ARF5: variants seen among roughly 807,000 people sequenced by gnomAD.
ARF5 encodes the protein ADP-ribosylation factor 5.
ARF5 carries 10 observed loss-of-function variants against 24.8 expected under a neutral mutation model. The ratio of observed to expected loss-of-function variants is 0.40; its 90% CI spans 0.25 to 0.68. The LOEUF is 0.68. Among genes scored for constraint, ARF5 ranks in the 30% least tolerant of loss-of-function variants. ARF5 has a pLI of 0.36. For missense variants in ARF5, 135 were observed against 239.2 expected, an observed-to-expected ratio of 0.56 and a Z score of 2.87; for synonymous variants, 102 against 95.1, an observed-to-expected ratio of 1.07 and a Z score of -0.42.
intron 4 of ARF5, 49 bp downstream of exon 4, chr7:127,590,186 T>C (rs111443600): frequency 6.8e-7 from 1 of 1,465,814 alleles, no homozygotes; most frequent in Non-Finnish European, 9.6e-7. Context: ...GGGGACAGAG[T>C]GATCTCTGTA....
chr7:127,590,056 T>C lies in ARF5; in HGVS notation c.259-10T>C. 6.2e-7 allele frequency: 1 copy of C among 1,613,434 alleles called. No homozygotes were observed. Among genetic ancestry groups the C allele is most frequent in the South Asian group, 1.1e-5 (1 of 91,076 alleles). ...GATTGCTTCTCCTTTCTTCCTTCCT[T>C]CCTGCCCAGGGCCTCATCTTTGTGG... On this transcript the variant is annotated splice_polypyrimidine_tract_variant and intron_variant, in intron 3 of 5. Transcript: ENST00000000233.
intron 3 of ARF5, chr7:127,589,801 G>T (rs1794257757): frequency 3.3e-6 from 2 of 607,642 alleles, no homozygotes; most frequent in Non-Finnish European, 5.8e-6. Flanking sequence ...CAGGATTCTG[G>T]GACCAGGCTG....
intron 1 of ARF5, 85 bp from the exon 2 acceptor site, chr7:127,588,998 T>G (rs903357165): frequency 6.8e-7 from 1 of 1,471,018 alleles, no homozygotes; most frequent in South Asian, 1.1e-5. Context: ...CCAGTCACCA[T>G]CAGCTGTTGT....
At position 127,591,639 on chromosome 7, in the gene ARF5, G is replaced by A. The variant is rs969088864; in HGVS notation, c.*340G>A. 1 of 311,394 alleles carries A rather than the reference G, an allele frequency of 3.2e-6. No homozygotes were observed. The allele number at this position is 311,394 out of a possible 1,614,324, so 19.3% of individuals were successfully genotyped here. On this transcript the variant is annotated 3_prime_UTR_variant, in exon 6 of 6. Transcript: ENST00000000233. ...GCCAGGTTGGGAGGGGGAAGGTGAG[G>A]GCTTCGGGTGGTGCTATAATGTGGC...
intron 4 of ARF5, among the ~76,000 whole-genome samples, chr7:127,590,720 C>T (rs1249784375): frequency 1.3e-5 from 2 of 152,226 alleles, no homozygotes; most frequent in South Asian, 2.1e-4. Context: ...TACATTCCTG[C>T]CTTTTCCATT....
chr7:127,589,235 C>T, intron 2 of ARF5, 72 bp downstream of exon 2: 1 of 1,536,984 alleles, frequency 6.5e-7, no homozygotes, highest in South Asian at 1.1e-5. Context: ...CCAGTTCTGC[C>T]ACTTTTCTGG....
At chr7:127,590,883 T>C in intron 4 of ARF5, 80 bp from the exon 5 acceptor site, 1 of 1,512,550 alleles carries the variant, frequency 6.6e-7, no homozygotes, top group Non-Finnish European at 8.9e-7. Flanking sequence ...CCAATCAAGA[T>C]GCTAGGAGGT....
Position 127,591,077 on chromosome 7 carries a change from C to G in ARF5, c.445C>G (p.Arg149Gly). The change falls in exon 5 of 6, where the codon CGC becomes GGC. Residue 149 changes from arginine to glycine, a missense_variant. Physicochemically the swap from Arg to Gly is moderately radical, Grantham distance 125. This residue lies in a region of ARF5 where 102 missense variants were observed against 160.9 expected (regional missense o/e 0.63). Transcript: ENST00000000233. ...LTDKLGLQHL[R>G]SRTWYVQATC... is the part of the protein sequence containing the mutation. ...TGACAAGCTGGGGCTACAGCACTTA[C>G]GCAGCCGCACGGTAGGGGTCCTGCC... 2 of 1,614,018 alleles carry G rather than the reference C, an allele frequency of 1.2e-6. No homozygotes were observed. The highest frequency in any genetic ancestry group is 8.5e-7 in the Non-Finnish European group (1 of 1,179,980).
Position 127,591,409 on chromosome 7 carries a change from A to G in ARF5, c.*110A>G. 2.2e-6 allele frequency: 2 copies of G among 911,692 alleles called. No individual in the cohort carries two copies. The highest frequency in any genetic ancestry group is 3.2e-6 in the Non-Finnish European group (2 of 623,162). 56.5% of individuals were successfully genotyped at this position (911,692 alleles called of 1,614,324 possible). ...CCTTTCCTCCCACTTTTCCTCCCCC[A>G]TAGCCACAGGCCTCTGCTCCTGCTC... On this transcript the variant is annotated 3_prime_UTR_variant, in exon 6 of 6. Transcript: ENST00000000233.
Position 127,591,294 on chromosome 7 carries a change from C to T in ARF5, c.538C>T (p.Arg180Cys), listed in dbSNP as rs773554378. 13 of 1,595,392 alleles carry T rather than the reference C, an allele frequency of 8.1e-6. No homozygotes were observed. Among genetic ancestry groups the T allele is most frequent in the Admixed American group, 5.5e-5 (3 of 54,972 alleles). Residue 180 changes from arginine to cysteine, a missense_variant, in exon 6 of 6, where the codon CGC becomes TGC. By Grantham distance (180) the Arg-to-Cys change is radical (BLOSUM62 -3). Transcript: ENST00000000233. ...CTGGCTGTCCCACGAGCTGTCAAAGCGCTAACCAGCCAGGGGCAGGCCCCT... is the reference window on the plus strand; with the variant it reads ...CTGGCTGTCCCACGAGCTGTCAAAGTGCTAACCAGCCAGGGGCAGGCCCCT... ...LDWLSHELSK[R>C]
intron 4 of ARF5, among the ~76,000 whole-genome samples, chr7:127,590,420 T>C (rs34029720): frequency 0.38 from 56,848 of 151,556 alleles, 11,107 homozygotes; most frequent in East Asian, 0.74. Context: ...GCAACCTCCG[T>C]CTCCCGGGTT....
chr7:127,591,667 T>G lies in ARF5; in HGVS notation c.*368T>G. The G allele has an allele frequency of 3.3e-6, 1 of 301,540 alleles. No homozygotes were observed. Among genetic ancestry groups the G allele is most frequent in the South Asian group, 3.1e-5 (1 of 32,522 alleles). The allele number at this position is 301,540 out of a possible 1,614,324, so 18.7% of individuals were successfully genotyped here. A position where few individuals can be genotyped will look rare whatever the true frequency, so the allele number is the denominator to read the frequency against. On this transcript the variant is annotated 3_prime_UTR_variant, in exon 6 of 6. Transcript: ENST00000000233. ...TTCGGGTGGTGCTATAATGTGGCAC[T>G]GGATCTTGAGTAATAAATTTGCTGT...
At chr7:127,589,261 C>G in intron 2 of ARF5, 98 bp downstream of exon 2, 1 of 1,387,096 alleles carries the variant, frequency 7.2e-7, no homozygotes, top group Non-Finnish European at 1.0e-6. Context: ...ACCCTGACAC[C>G]AGATACAGCT....
Position 127,591,362 on chromosome 7 carries a change from T to G in ARF5, c.*63T>G, listed in dbSNP as rs1794285634. ...GCGTGCATCCCCGGGATGACCAGAC[T>G]CCCGGACTCCTCAGGCAGTGCCCTT... On this transcript the variant is annotated 3_prime_UTR_variant, in exon 6 of 6. Transcript: ENST00000000233. 1 of 1,408,684 alleles carries G rather than the reference T, an allele frequency of 7.1e-7. No individual in the cohort carries two copies. The highest frequency in any genetic ancestry group is 2.4e-5 in the East Asian group (1 of 41,758). The allele number at this position is 1,408,684 out of a possible 1,614,324, so 87.3% of individuals were successfully genotyped here. A position where few individuals can be genotyped will look rare whatever the true frequency, so the allele number is the denominator to read the frequency against.
At chr7:127,589,762 C>G (rs1371916716) in intron 3 of ARF5, 168 bp downstream of exon 3, 6 of 622,578 alleles carry the variant, frequency 9.6e-6, no homozygotes, top group Non-Finnish European at 1.7e-5. Flanking sequence ...TCACCTTAGT[C>G]TTCCCCAGCT....
At chr7:127,588,823 T>A in intron 1 of ARF5, 1 of 577,606 alleles carries the variant, frequency 1.7e-6, no homozygotes, top group Non-Finnish European at 3.0e-6. Context: ...GATTCCGCCC[T>A]TGGAGACGAC....
intron 2 of ARF5, 147 bp from the exon 3 acceptor site, chr7:127,589,338 G>T (rs761268758): frequency 5.5e-5 from 57 of 1,037,186 alleles, no homozygotes; most frequent in Non-Finnish European, 7.4e-5. Flanking sequence ...ACCTAGCCCC[G>T]CCCTGTTGAC....
intron 3 of ARF5, chr7:127,589,854 C>A (rs1448610654): frequency 1.6e-6 from 1 of 611,148 alleles, no homozygotes; most frequent in African/African-American, 1.8e-5. Flanking sequence ...CCTTGCACAT[C>A]TTTGGATAAA....
At chr7:127,590,031 G>T in intron 3 of ARF5, 35 bp from the exon 4 acceptor site, 1 of 1,585,118 alleles carries the variant, frequency 6.3e-7, no homozygotes, top group South Asian at 1.1e-5. Flanking sequence ...AGGCAGAAGT[G>T]ATTGCTTCTC....
Sources: allele counts gnomAD v4.1 joint callset (sites outside exome capture counted in the v4.1 genomes callset), GRCh38; gene constraint gnomAD v4.1.1; regional missense constraint gnomAD v4.1.1; transcripts MANE v1.5; gene names NCBI Gene and HGNC (gene_info 2026-07-23, HGNC 2026-07-21).